Variants in SGCG observed in about 807,000 individuals in gnomAD.
SGCG encodes sarcoglycan gamma, also known as gamma-sarcoglycan.
Under a neutral mutation model 29.3 loss-of-function variants are expected in SGCG, and 26 were observed. The ratio of observed to expected loss-of-function variants is 0.89; its 90% confidence interval spans 0.65 to 1.23. SGCG has a LOEUF of 1.23. SGCG is among the 50% of genes most tolerant of loss of function. The pLI is 0.00. For missense variants in SGCG, 353 were observed against 356.0 expected, an observed-to-expected ratio of 0.99 and a Z score of 0.07; for synonymous variants, 145 against 129.7, an observed-to-expected ratio of 1.12 and a Z score of -0.80.
At chr13:23,299,778 T>C (rs952690567) in intron 6 of SGCG, among the ~76,000 whole-genome samples, 1 of 152,024 alleles carries the variant, frequency 6.6e-6, no homozygotes, top group African/African-American at 2.4e-5. Flanking sequence ...TATGGCAAAA[T>C]CATTTGCAAG....
chr13:23,163,636 T>G, the SGCG span, among the ~76,000 whole-genome samples: 1 of 152,192 alleles, frequency 6.6e-6, no homozygotes, highest in African/African-American at 2.4e-5. Context: ...AAAGCTGAAC[T>G]GGACAAGTAA....
At chr13:23,192,239 T>C (rs17078439) in intron 1 of SGCG, among the ~76,000 whole-genome samples, 22,026 of 151,942 alleles carry the variant, frequency 0.14, 1,780 homozygotes, top group Non-Finnish European at 0.19. Flanking sequence ...TCAATCATAC[T>C]ATTACAGAAG....
upstream of SGCG, among the ~76,000 whole-genome samples, chr13:23,177,099 GTT>G (rs771003883): frequency 6.6e-5 from 10 of 152,156 alleles, no homozygotes; most frequent in Non-Finnish European, 7.3e-5. Flanking sequence ...AGGACATCAT[GTT>G]AAGTAAAATA....
chr13:23,207,684 A>T (rs1878034250), intron 2 of SGCG, among the ~76,000 whole-genome samples: 2 of 152,172 alleles, frequency 1.3e-5, no homozygotes, highest in African/African-American at 4.8e-5. Context: ...CAAAGAAGAC[A>T]TACAATGGCC....
At chr13:23,291,735 C>T (rs1312653710) in intron 5 of SGCG, among the ~76,000 whole-genome samples, 1 of 152,090 alleles carries the variant, frequency 6.6e-6, no homozygotes, top group African/African-American at 2.4e-5. Flanking sequence ...AATTGGCATG[C>T]ATTTAAAAAC....
intron 3 of SGCG, among the ~76,000 whole-genome samples, chr13:23,242,359 T>C (rs939591166): frequency 2.6e-5 from 4 of 152,198 alleles, no homozygotes; most frequent in African/African-American, 4.8e-5. Context: ...TCATAGGGTA[T>C]TGATAACTCC....
chr13:23,299,456 A>ATTTTTTTTTTTTTTTTTTTT (rs71100168), intron 6 of SGCG, among the ~76,000 whole-genome samples: 1 of 41,542 alleles, frequency 2.4e-5, no homozygotes, highest in African/African-American at 7.7e-5. Context: ...ATATATATAT[A>ATTTTTTTTTTTTTTTTTTTT]TTTTTTTTTT....
At chr13:23,180,688 A>G (rs983518288), upstream of SGCG, among the ~76,000 whole-genome samples, 1 of 152,234 alleles carries the variant, frequency 6.6e-6, no homozygotes, top group Non-Finnish European at 1.5e-5. Context: ...AGAAAGTTAT[A>G]ATTACATTAA....
rs1397809731 is a variant in SGCG, at chr13:23,324,859, T to C, written c.*318T>C. ...CTTGTCCGTGTGGGCACACACTGAGTGTTGAGTTGCCGTGTGGAGTTAATG... is the reference window on the plus strand; with the variant it reads ...CTTGTCCGTGTGGGCACACACTGAGCGTTGAGTTGCCGTGTGGAGTTAATG... On this transcript the variant is annotated 3_prime_UTR_variant, in exon 8 of 8. Coordinates refer to ENST00000218867, the MANE Select transcript of SGCG (RefSeq NM_000231.3). 3.1e-5 allele frequency: 12 copies of C among 384,944 alleles called. No homozygotes were observed. The highest frequency in any genetic ancestry group is 5.0e-5 in the Non-Finnish European group (10 of 200,124). 23.8% of individuals were successfully genotyped at this position (384,944 alleles called of 1,614,324 possible).
intron 6 of SGCG, among the ~76,000 whole-genome samples, chr13:23,314,197 G>T (rs893943507): frequency 9.4e-5 from 14 of 149,394 alleles, no homozygotes; most frequent in South Asian, 8.5e-4. Context: ...TATAGAGAGA[G>T]AGAGAGAGAG....
intron 7 of SGCG, among the ~76,000 whole-genome samples, chr13:23,322,758 C>CCCCCCCCCCCCCCA (rs1883087886): frequency 1.7e-5 from 1 of 60,332 alleles, no homozygotes; most frequent in Non-Finnish European, 3.3e-5. Context: ...AGACCGCCCC[C>CCCCCCCCCCCCCCA]CACCCATCCA....
chr13:23,201,042 T>G (rs890702234), intron 1 of SGCG, among the ~76,000 whole-genome samples: 1 of 152,118 alleles, frequency 6.6e-6, no homozygotes, highest in Non-Finnish European at 1.5e-5. Flanking sequence ...ATGCATGTTT[T>G]GAAAGGACCA....
At chr13:23,322,753 G>GCCCCCACCCCCACCCC (rs1566048952) in intron 7 of SGCG, among the ~76,000 whole-genome samples, 1 of 9,998 alleles carries the variant, frequency 1.0e-4, no homozygotes, top group Non-Finnish European at 2.0e-4. Flanking sequence ...TGCACAGACC[G>GCCCCCACCCCCACCCC]CCCCCCACCC....
chr13:23,185,264 T>C (rs1285300334), intron 1 of SGCG, among the ~76,000 whole-genome samples: 1 of 152,190 alleles, frequency 6.6e-6, no homozygotes, highest in African/African-American at 2.4e-5. Flanking sequence ...CGATCTTGGC[T>C]CACTACACCC....
the SGCG span, among the ~76,000 whole-genome samples, chr13:23,162,507 T>A: frequency 6.6e-6 from 1 of 152,158 alleles, no homozygotes; most frequent in African/African-American, 2.4e-5. Context: ...GCGCCTGTAG[T>A]CCCAGCTACT....
chr13:23,310,811 G>T (rs1032282926), intron 6 of SGCG, among the ~76,000 whole-genome samples: 2 of 151,682 alleles, frequency 1.3e-5, no homozygotes, highest in African/African-American at 4.8e-5. Flanking sequence ...ATTAATACTT[G>T]TCAACCAAGT....
At chr13:23,293,565 C>T (rs1881796174) in intron 5 of SGCG, among the ~76,000 whole-genome samples, 2 of 152,142 alleles carry the variant, frequency 1.3e-5, no homozygotes, top group African/African-American at 4.8e-5. Flanking sequence ...CGCGGTGGCT[C>T]ACGCCTATAA....
At chr13:23,181,372 G>A (rs1876729300) in intron 1 of SGCG, among the ~76,000 whole-genome samples, 1 of 152,108 alleles carries the variant, frequency 6.6e-6, no homozygotes, top group African/African-American at 2.4e-5. Context: ...ATTGGGCATT[G>A]AATTGGATCC....
At chr13:23,210,895 A>G (rs1878173754) in intron 2 of SGCG, among the ~76,000 whole-genome samples, 1 of 152,132 alleles carries the variant, frequency 6.6e-6, no homozygotes, top group Non-Finnish European at 1.5e-5. Flanking sequence ...CGATGAAGGC[A>G]GTACACAGAC....
Sources: gnomAD v4.1 joint callset for allele counts (sites outside exome capture counted in the v4.1 genomes callset) on GRCh38, gnomAD v4.1.1 for gene constraint, MANE v1.5 for transcripts, NCBI Gene and HGNC (gene_info 2026-07-23, HGNC 2026-07-21) for gene names.